The following INSYN2A variants were observed in gnomAD, a reference collection of about 807,000 sequenced individuals.
The protein encoded by INSYN2A is inhibitory synaptic factor 2A.
A neutral mutation model predicts 39.4 loss-of-function variants in INSYN2A; 17 were observed. The ratio of observed to expected loss-of-function variants is 0.43; its 90% CI spans 0.30 to 0.65. INSYN2A has a LOEUF of 0.65. Ranked by LOEUF, INSYN2A falls within the 30% of genes least tolerant of loss-of-function variation. INSYN2A has a pLI of 0.14. For synonymous variants in INSYN2A, 255 were observed against 265.7 expected (o/e 0.96, Z 0.39); for missense variants, 595 against 631.2 (o/e 0.94, Z 0.61).
intron 4 of INSYN2A, among the ~76,000 whole-genome samples, chr10:127,163,099 C>T (rs924701036): frequency 6.6e-6 from 1 of 152,216 alleles, no homozygotes; most frequent in African/African-American, 2.4e-5. Context: ...TTGTGGCTCT[C>T]TTGCAGACCA....
chr10:127,189,442 C>G (rs1436853466), intron 2 of INSYN2A, among the ~76,000 whole-genome samples: 3 of 152,196 alleles, frequency 2.0e-5, no homozygotes, highest in Non-Finnish European at 4.4e-5. Context: ...TTCTGTCATT[C>G]AGCCTCACCC....
intron 4 of INSYN2A, among the ~76,000 whole-genome samples, chr10:127,159,841 G>T (rs1056344419): frequency 2.0e-5 from 3 of 152,122 alleles, no homozygotes; most frequent in African/African-American, 7.2e-5. Context: ...CCTGAGAGCC[G>T]CACCATGGCC....
intron 4 of INSYN2A, among the ~76,000 whole-genome samples, chr10:127,169,013 A>AT (rs1463835625): frequency 6.6e-6 from 1 of 152,200 alleles, no homozygotes; most frequent in Non-Finnish European, 1.5e-5. Flanking sequence ...AGGACATAAG[A>AT]TACAGCAAGT....
At chr10:127,169,118 G>A (rs1210028746) in intron 4 of INSYN2A, among the ~76,000 whole-genome samples, 1 of 152,088 alleles carries the variant, frequency 6.6e-6, no homozygotes, top group East Asian at 1.9e-4. Context: ...TCTGCTGCTG[G>A]GAGAATGAGA....
chr10:127,158,886 C>T (rs1464894610), intron 4 of INSYN2A, among the ~76,000 whole-genome samples: 1 of 152,164 alleles, frequency 6.6e-6, no homozygotes, highest in Non-Finnish European at 1.5e-5. Context: ...GTCCAAGGAG[C>T]TCTCTTTTTT....
At chr10:127,138,481 C>G (rs908673084) in intron 5 of INSYN2A, among the ~76,000 whole-genome samples, 1 of 152,092 alleles carries the variant, frequency 6.6e-6, no homozygotes, top group East Asian at 1.9e-4. Flanking sequence ...TCTCTGATCT[C>G]CCACCTAAAA....
At chr10:127,159,024 T>G (rs1448204480) in intron 4 of INSYN2A, among the ~76,000 whole-genome samples, 1 of 152,106 alleles carries the variant, frequency 6.6e-6, no homozygotes, top group Non-Finnish European at 1.5e-5. Flanking sequence ...CACTCCTTGG[T>G]CAAGGTAGGC....
At chr10:127,142,559 G>A (rs2051368660) in intron 5 of INSYN2A, among the ~76,000 whole-genome samples, 1 of 152,200 alleles carries the variant, frequency 6.6e-6, no homozygotes, top group African/African-American at 2.4e-5. Flanking sequence ...CCTGTGCGGG[G>A]TGTTCTGTCC....
Position 127,175,121 on chromosome 10 carries a change from A to T in INSYN2A, c.1184+91T>A. ...ACCTGTTTACGGAAATGCTGGCTTT[A>T]GTCTCATTACAGACTTGGGTTTGGG... On this transcript the variant is annotated intron_variant, in intron 4 of 5. Coordinates refer to ENST00000522781, the MANE Select transcript of INSYN2A (RefSeq NM_001039762.3). The surrounding 1 kb of genome is among the most constrained non-coding windows in gnomAD (Gnocchi z 6.3). The T allele has an allele frequency of 9.0e-7, 1 of 1,108,274 alleles. No homozygotes were observed. Among genetic ancestry groups the T allele is most frequent in the Non-Finnish European group, 1.3e-6 (1 of 756,584 alleles). The allele number at this position is 1,108,274 out of a possible 1,614,324, so 68.7% of individuals were successfully genotyped here. A position where few individuals can be genotyped will look rare whatever the true frequency, so the allele number is the denominator to read the frequency against.
At chr10:127,140,131 G>A (rs2051083154) in intron 5 of INSYN2A, among the ~76,000 whole-genome samples, 2 of 152,136 alleles carry the variant, frequency 1.3e-5, no homozygotes, top group Admixed American at 1.3e-4. Flanking sequence ...CAGAGAGAAG[G>A]CGCTAGCATC....
In INSYN2A at chr10:127,196,380, C is replaced by G. The variant is rs1423949889; in HGVS notation, c.-778G>C. ...ACAGCCACCCGGCTTCGCGCTCCTC[C>G]GATGTCCTCATTTACTGCAATTGTC... On this transcript the variant is annotated 5_prime_UTR_variant, in exon 1 of 6. Coordinates refer to ENST00000522781, the MANE Select transcript of INSYN2A (RefSeq NM_001039762.3). Among the ~76,000 whole-genome samples, 3 of 148,742 alleles carry G rather than the reference C, an allele frequency of 2.0e-5. No individual in the cohort carries two copies. Among genetic ancestry groups the G allele is most frequent in the Non-Finnish European group, 3.0e-5 (2 of 66,764 alleles).
rs527281314 is a variant in INSYN2A, at chr10:127,165,922, T to C, written c.1184+9290A>G. 7.2e-5 allele frequency among the ~76,000 whole-genome samples: 11 copies of C among 152,322 alleles called. No individual in the cohort carries two copies. In the South Asian group the frequency reaches 2.3e-3, roughly 32 times the overall value. The stretch of plus-strand genomic sequence containing the variant: ...TCTGCTGTCTCTAGCACCGGAAAGA[T>C]GCTTTCTCCAGAAGATGAATTGGCA... On this transcript the variant is annotated intron_variant, in intron 4 of 5. Transcript: ENST00000522781.
At chr10:127,195,161 G>T (rs1040427894) in intron 1 of INSYN2A, among the ~76,000 whole-genome samples, 1 of 152,148 alleles carries the variant, frequency 6.6e-6, no homozygotes, top group Non-Finnish European at 1.5e-5. Context: ...TCCAAGCAGT[G>T]GGGACATCAG....
Position 127,175,626 on chromosome 10 carries a change from T to G in INSYN2A, c.770A>C (p.Tyr257Ser), listed in dbSNP as rs761165368. 6.2e-7 allele frequency: 1 copy of G among 1,613,140 alleles called. No individual in the cohort carries two copies. ...GGCCCTGGCACTGAGGGCAGGTGCG[T>G]AAACGGTGGCAACCTCCGTTTTAAA... ...RVFKTEVATV[Y>S]APALSARAPE... The change falls in exon 4 of 6, where the codon TAC becomes TCC. Residue 257 changes from tyrosine (Y) to serine (S), a missense_variant. Physicochemically the swap from Tyr to Ser is moderately radical, Grantham distance 144 (BLOSUM62 -2). Coordinates refer to ENST00000522781, the MANE Select transcript of INSYN2A (RefSeq NM_001039762.3). The surrounding 1 kb of genome is among the most constrained non-coding windows in gnomAD (Gnocchi z 6.3).
At chr10:127,149,257 C>T (rs2133427842) in intron 5 of INSYN2A, among the ~76,000 whole-genome samples, 1 of 152,222 alleles carries the variant, frequency 6.6e-6, no homozygotes, top group East Asian at 1.9e-4. Flanking sequence ...AGACACCCCA[C>T]CCAAGAGAGA....
intron 4 of INSYN2A, among the ~76,000 whole-genome samples, chr10:127,157,474 A>T (rs1452454136): frequency 6.6e-6 from 1 of 152,206 alleles, no homozygotes; most frequent in East Asian, 1.9e-4. Flanking sequence ...TGACATGGAA[A>T]CACTTCTTGA....
At chr10:127,158,648 A>G (rs2053308062) in intron 4 of INSYN2A, among the ~76,000 whole-genome samples, 1 of 152,204 alleles carries the variant, frequency 6.6e-6, no homozygotes, top group Non-Finnish European at 1.5e-5. Context: ...AAGAATTCCA[A>G]CTGAGTGTGG....
At chr10:127,144,908 C>G (rs2051648144) in intron 5 of INSYN2A, among the ~76,000 whole-genome samples, 1 of 152,132 alleles carries the variant, frequency 6.6e-6, no homozygotes, top group South Asian at 2.1e-4. Context: ...AGATCTGTCC[C>G]CTTTTCCTGG....
chr10:127,151,873 G>A (rs185447935), intron 5 of INSYN2A, among the ~76,000 whole-genome samples: 6 of 152,264 alleles, frequency 3.9e-5, no homozygotes, highest in Non-Finnish European at 8.8e-5. Flanking sequence ...GTGACCACTC[G>A]AGTCATTCCT....
Sources: allele counts gnomAD v4.1 joint callset (sites outside exome capture counted in the v4.1 genomes callset), GRCh38; gene constraint gnomAD v4.1.1; non-coding constraint Gnocchi (gnomAD v3.1); transcripts MANE v1.5; gene names NCBI Gene and HGNC (gene_info 2026-07-23, HGNC 2026-07-21).